Variants in HYDIN observed in about 807,000 individuals in gnomAD.
HYDIN encodes the protein axonemal central pair apparatus protein HYDIN.
In HYDIN, 132 loss-of-function variants were observed where a neutral mutation model predicts 403.9. The observed-to-expected ratio is 0.33, with a 90% CI of 0.28 to 0.38. The LOEUF (loss-of-function observed/expected upper bound fraction) is 0.38, where lower values mean the gene tolerates loss of function less well. Ranked by LOEUF, HYDIN falls within the 10% of genes least tolerant of loss-of-function variation. The pLI, the probability that HYDIN is intolerant of heterozygous loss-of-function variation, is 1.00. For missense variants in HYDIN, 2,827 were observed against 5,009.5 expected (o/e 0.56, Z 13.15); for synonymous variants, 1,202 against 1,891.7 (o/e 0.64, Z 9.46).
chr16:71,226,272 C>T lies in HYDIN; in HGVS notation c.-24+4290G>A, dbSNP rs570709516. Among the ~76,000 whole-genome samples, 50 of 152,230 alleles carry T rather than the reference C, an allele frequency of 3.3e-4. 2 individuals are homozygous for T. The South Asian group carries it at 0.01, about 31-fold the overall frequency. On this transcript the variant is annotated intron_variant, in intron 1 of 85. Coordinates refer to ENST00000393567, the MANE Select transcript of HYDIN (RefSeq NM_001270974.2). ...GGAATATTCTGTTACATTGATAAAT[C>T]AGAAACATGTATTCACACATACATG...
intron 5 of HYDIN, among the ~76,000 whole-genome samples, chr16:71,172,677 C>T (rs1008742203): frequency 6.6e-6 from 1 of 152,018 alleles, no homozygotes; most frequent in African/African-American, 2.4e-5. Context: ...TTATCATCTT[C>T]GACATGCTAA....
In HYDIN at chr16:71,056,127, GT is replaced by G. The variant is rs57845299; in HGVS notation, c.2529+4376del. On this transcript the variant is annotated intron_variant, in intron 18 of 85. Coordinates refer to ENST00000393567, the MANE Select transcript of HYDIN (RefSeq NM_001270974.2). ...TCTCCGTTCCCACATTCTGAGATTT[GT>G]TTTTTTTTTTTTTTTTTTTTACTCC... Among the ~76,000 whole-genome samples, 294 of 106,254 alleles carry G rather than the reference GT, an allele frequency of 2.8e-3. 1 individual carries two copies. Among genetic ancestry groups the G allele is most frequent in the Middle Eastern group, 0.015 (3 of 200 alleles). The allele number at this position is 106,254 out of a possible 152,430, so 69.7% of individuals were successfully genotyped here.
chr16:71,137,122 A>C, intron 8 of HYDIN, 29 bp downstream of exon 8: 1 of 677,250 alleles, frequency 1.5e-6, no homozygotes, highest in Non-Finnish European at 2.6e-6. Context: ...CCTCCAAATT[A>C]CTGCATATAG....
intron 23 of HYDIN, among the ~76,000 whole-genome samples, chr16:71,005,710 A>C (rs1417168239): frequency 6.6e-6 from 1 of 151,536 alleles, no homozygotes; most frequent in Non-Finnish European, 1.5e-5. Flanking sequence ...TACAGATGTG[A>C]GGGTTCCTTG....
intron 10 of HYDIN, among the ~76,000 whole-genome samples, chr16:71,098,424 G>T (rs527334189): frequency 6.6e-6 from 1 of 151,460 alleles, no homozygotes; most frequent in African/African-American, 2.4e-5. Flanking sequence ...GGATGGTCTC[G>T]ATCTCCCAAC....
chr16:71,098,012 C>A (rs1223782979), intron 10 of HYDIN, among the ~76,000 whole-genome samples: 2 of 151,998 alleles, frequency 1.3e-5, no homozygotes, highest in African/African-American at 2.4e-5. Context: ...TCCTTTTGTT[C>A]TTTCTAGTGC....
At chr16:70,901,760 A>T (rs1201635085) in intron 52 of HYDIN, among the ~76,000 whole-genome samples, 1 of 151,490 alleles carries the variant, frequency 6.6e-6, no homozygotes, top group Non-Finnish European at 1.5e-5. Flanking sequence ...TAATTTTTGT[A>T]TTTTTAGTAC....
chr16:70,979,488 G>A (rs1189935905), intron 29 of HYDIN, among the ~76,000 whole-genome samples: 1 of 152,054 alleles, frequency 6.6e-6, no homozygotes, highest in Non-Finnish European at 1.5e-5. Flanking sequence ...ATATGTTTGG[G>A]TCAAGTTGTT....
chr16:71,039,446 G>C (rs1369901080), intron 18 of HYDIN, among the ~76,000 whole-genome samples: 1 of 152,174 alleles, frequency 6.6e-6, no homozygotes, highest in Admixed American at 6.5e-5. Flanking sequence ...CCTTTAAGCT[G>C]AAAAGCCGGA....
chr16:71,056,913 A>T (rs1462853212), intron 18 of HYDIN, among the ~76,000 whole-genome samples: 1 of 140,962 alleles, frequency 7.1e-6, no homozygotes, highest in Admixed American at 7.1e-5. Context: ...ACGTTAATAC[A>T]TATCATATTT....
chr16:71,141,227 G>C (rs2085156055), intron 7 of HYDIN, among the ~76,000 whole-genome samples: 1 of 148,440 alleles, frequency 6.7e-6, no homozygotes, highest in Non-Finnish European at 1.5e-5. Context: ...TCAAATCATT[G>C]GTATAAAGAC....
chr16:70,866,195 G>A lies in HYDIN; in HGVS notation c.11445C>T (p.Thr3815=), dbSNP rs1226566511. ...CQARDVRFKE[T]LVYQTRVFEF... Reference sequence around the variant, plus strand: ...CAAACACTCGGGTCTGGTAAACCAAGGTTTCCTTAAAGCGCACATCTCTTG... The same window carrying A: ...CAAACACTCGGGTCTGGTAAACCAAAGTTTCCTTAAAGCGCACATCTCTTG... Residue 3815 remains threonine (T), a synonymous_variant, in exon 67 of 86, where the codon ACC becomes ACT. Coordinates refer to ENST00000393567, the MANE Select transcript of HYDIN (RefSeq NM_001270974.2). 2 of 1,585,136 alleles carry A rather than the reference G, an allele frequency of 1.3e-6. No individual in the cohort carries two copies. Among genetic ancestry groups the A allele is most frequent in the African/African-American group, 2.7e-5 (2 of 73,808 alleles).
At chr16:71,216,889 T>C (rs1019126687) in intron 1 of HYDIN, among the ~76,000 whole-genome samples, 2 of 152,144 alleles carry the variant, frequency 1.3e-5, no homozygotes, top group Non-Finnish European at 2.9e-5. Context: ...GGTTAAGGCA[T>C]TTGCCCTGTG....
chr16:70,867,087 T>C (rs1231382005), intron 66 of HYDIN, among the ~76,000 whole-genome samples: 1 of 119,282 alleles, frequency 8.4e-6, no homozygotes, highest in African/African-American at 3.1e-5. Context: ...TGCAGACAAA[T>C]AATATGAACA....
chr16:70,901,863 C>T (rs1314846045), intron 52 of HYDIN, among the ~76,000 whole-genome samples: 1 of 152,140 alleles, frequency 6.6e-6, no homozygotes, highest in Admixed American at 6.5e-5. Flanking sequence ...GGATTATAGG[C>T]GTGAGCCACT....
At chr16:70,875,187 G>C (rs1229528898) in intron 62 of HYDIN, among the ~76,000 whole-genome samples, 1 of 150,526 alleles carries the variant, frequency 6.6e-6, no homozygotes. Flanking sequence ...CACGTAGGTA[G>C]TGTCAAAATG....
In HYDIN at chr16:71,178,993, T is replaced by A. The variant is rs753094032; in HGVS notation, c.316A>T (p.Ile106Leu). 7 of 1,609,512 alleles carry A rather than the reference T, an allele frequency of 4.3e-6. No homozygotes were observed. The highest frequency in any genetic ancestry group is 6.0e-6 in the Non-Finnish European group (7 of 1,176,010). ...TCACAGGGAGTGTAGTTCTGAAATA[T>A]AATTTCTGATGGAAAGGGCTGGAAT... ...ALFQPFPSEI[I>L]FQNYTPCEVY... The change falls in exon 4 of 86, where the codon ATA (isoleucine) becomes TTA (leucine). Residue 106 changes from isoleucine to leucine, a missense_variant. By Grantham distance (5) the Ile-to-Leu change is conservative (BLOSUM62 2). Transcript: ENST00000393567.
intron 53 of HYDIN, 75 bp downstream of exon 53, chr16:70,900,929 T>C: frequency 1.9e-6 from 1 of 527,416 alleles, no homozygotes; most frequent in Non-Finnish European, 3.3e-6. Context: ...TGTGTGTGTG[T>C]GTGTGTGTGT....
chr16:70,859,506 T>A (rs1532830), intron 71 of HYDIN, among the ~76,000 whole-genome samples: 9,240 of 151,274 alleles, frequency 0.061, 327 homozygotes, highest in Non-Finnish European at 0.071. Context: ...ACAGGAATTC[T>A]TAATTTTTGT....
Sources: allele counts gnomAD v4.1 joint callset (sites outside exome capture counted in the v4.1 genomes callset), GRCh38; gene constraint gnomAD v4.1.1; transcripts MANE v1.5; gene names NCBI Gene and HGNC (gene_info 2026-07-23, HGNC 2026-07-21).